The following UGT2A1 variants were observed in gnomAD, a reference collection of about 807,000 sequenced individuals.
The protein encoded by UGT2A1 is UDP-glucuronosyltransferase 2A1.
In UGT2A1, 61 loss-of-function variants were observed where a neutral mutation model predicts 45.4. The ratio of observed to expected loss-of-function variants is 1.34; its 90% CI spans 1.09 to 1.66. The LOEUF is 1.66. Among genes scored for constraint, UGT2A1 ranks in the 40% most tolerant of loss-of-function variants. UGT2A1 has a pLI of 0.00. For missense variants in UGT2A1, 649 were observed against 574.3 expected, an observed-to-expected ratio of 1.13 and a Z score of -1.33; for synonymous variants, 229 against 196.2, an observed-to-expected ratio of 1.17 and a Z score of -1.40.
intron 3 of UGT2A1, among the ~76,000 whole-genome samples, chr4:69,611,757 T>C (rs1221491149): frequency 1.3e-5 from 2 of 152,062 alleles, no homozygotes; most frequent in Non-Finnish European, 2.9e-5. Context: ...AGTAAAAACA[T>C]GAATTCTGAA....
chr4:69,618,765 C>A (rs1483370293), intron 3 of UGT2A1, among the ~76,000 whole-genome samples: 1 of 151,772 alleles, frequency 6.6e-6, no homozygotes, highest in African/African-American at 2.4e-5. Context: ...TACTCCAATA[C>A]CTTTATTGGT....
intron 3 of UGT2A1, among the ~76,000 whole-genome samples, chr4:69,609,079 T>A (rs1553904667): frequency 6.6e-6 from 1 of 151,906 alleles, no homozygotes; most frequent in African/African-American, 2.4e-5. Context: ...TAAAAGATAA[T>A]GAGAAAACCA....
intron 3 of UGT2A1, 92 bp from the exon 4 acceptor site, chr4:69,599,486 T>A: frequency 2.6e-6 from 4 of 1,558,324 alleles, no homozygotes; most frequent in Non-Finnish European, 3.4e-6. Context: ...TGATAAGCTG[T>A]TAAGAAAAAA....
intron 3 of UGT2A1, among the ~76,000 whole-genome samples, chr4:69,609,154 G>GTTT: frequency 1.6e-5 from 1 of 61,976 alleles, no homozygotes; most frequent in Non-Finnish European, 3.2e-5. Context: ...GAATATATAA[G>GTTT]ATTTTTTTTT....
chr4:69,632,477 G>T (rs1265371723), intron 3 of UGT2A1, among the ~76,000 whole-genome samples: 1 of 152,114 alleles, frequency 6.6e-6, no homozygotes, highest in African/African-American at 2.4e-5. Context: ...TAGGCCAAAA[G>T]AGCATAATCT....
At chr4:69,627,245 T>C (rs1721111322) in intron 3 of UGT2A1, among the ~76,000 whole-genome samples, 1 of 151,808 alleles carries the variant, frequency 6.6e-6, no homozygotes, top group Admixed American at 6.6e-5. Context: ...TATGTGAAAT[T>C]TGTTTTGGAA....
chr4:69,631,437 T>A (rs1721381466), intron 3 of UGT2A1, among the ~76,000 whole-genome samples: 2 of 152,136 alleles, frequency 1.3e-5, no homozygotes, highest in Admixed American at 1.3e-4. Context: ...TCATCATAAA[T>A]TTTAAAACTA....
At chr4:69,628,542 C>A (rs1468732189) in intron 3 of UGT2A1, among the ~76,000 whole-genome samples, 1 of 151,330 alleles carries the variant, frequency 6.6e-6, no homozygotes, top group Non-Finnish European at 1.5e-5. Context: ...CACTAAATAT[C>A]CACAAGCAAA....
At chr4:69,610,298 C>A (rs1021361756) in intron 3 of UGT2A1, among the ~76,000 whole-genome samples, 3 of 152,000 alleles carry the variant, frequency 2.0e-5, no homozygotes, top group Non-Finnish European at 4.4e-5. Flanking sequence ...GTATGAAGCA[C>A]CCTAAAATTG....
rs1174753675 is a variant in UGT2A1 at position 69,605,437 on chromosome 4, T to C, written c.848-6043A>G. On this transcript the variant is annotated intron_variant, in intron 3 of 6. Transcript: ENST00000286604. ...ATTCAAAGCAGTGTGTAGAGGGAAA[T>C]TTATAGCACTAAATGCCCACAGAAC... Among the ~76,000 whole-genome samples, 6 of 136,350 alleles carry C rather than the reference T, an allele frequency of 4.4e-5. 1 individual carries two copies. The highest frequency in any genetic ancestry group is 1.2e-4 in the African/African-American group (4 of 33,476). 89.5% of individuals were successfully genotyped at this position (136,350 alleles called of 152,430 possible). A position where few individuals can be genotyped will look rare whatever the true frequency, so the allele number is the denominator to read the frequency against.
intron 3 of UGT2A1, among the ~76,000 whole-genome samples, chr4:69,610,148 A>C (rs4148295): frequency 0.38 from 57,245 of 151,908 alleles, 10,958 homozygotes; most frequent in African/African-American, 0.42. Context: ...CTAAAAGTGG[A>C]AAATACATGC....
intron 4 of UGT2A1, among the ~76,000 whole-genome samples, chr4:69,597,054 T>C (rs1172164324): frequency 6.6e-6 from 1 of 152,206 alleles, no homozygotes; most frequent in Admixed American, 6.5e-5. Context: ...CAACAAAGGA[T>C]ACTGAGCTAG....
chr4:69,613,251 C>A (rs539421501), intron 3 of UGT2A1, among the ~76,000 whole-genome samples: 154 of 151,810 alleles, frequency 1.0e-3, no homozygotes, highest in Non-Finnish European at 2.0e-3. Context: ...TAAACAGATA[C>A]CTAGACATAT....
Position 69,616,850 on chromosome 4 carries a change from T to G in UGT2A1, c.848-17456A>C, listed in dbSNP as rs201075503. Among the ~76,000 whole-genome samples the G allele has an allele frequency of 9.3e-3, 1,198 of 129,508 alleles. 16 individuals are homozygous for G. Among genetic ancestry groups the G allele is most frequent in the African/African-American group, 0.033 (1,131 of 34,726 alleles). The allele number at this position is 129,508 out of a possible 152,430, so 85.0% of individuals were successfully genotyped here. A position where few individuals can be genotyped will look rare whatever the true frequency, so the allele number is the denominator to read the frequency against. Reference sequence around the variant, plus strand: ...TTTCTTTTCTTTTTTTTTTTTTTTTTGAATAGTGGTTTCTAAGTTTCATTT... The same window carrying G: ...TTTCTTTTCTTTTTTTTTTTTTTTTGGAATAGTGGTTTCTAAGTTTCATTT... On this transcript the variant is annotated intron_variant, in intron 3 of 6. Transcript: ENST00000286604.
intron 1 of UGT2A1, among the ~76,000 whole-genome samples, 163 bp downstream of exon 1, chr4:69,653,025 C>G (rs2163659): frequency 0.47 from 72,001 of 152,054 alleles, 17,184 homozygotes; most frequent in East Asian, 0.63. Flanking sequence ...AAAAATCCAT[C>G]AAATTATAAA....
chr4:69,609,756 T>C (rs898886670), intron 3 of UGT2A1, among the ~76,000 whole-genome samples: 1 of 152,202 alleles, frequency 6.6e-6, no homozygotes, highest in Non-Finnish European at 1.5e-5. Flanking sequence ...AATACAATTG[T>C]TCTTCTGGAA....
intron 3 of UGT2A1, among the ~76,000 whole-genome samples, chr4:69,633,971 C>A (rs1721528113): frequency 6.6e-6 from 1 of 152,096 alleles, no homozygotes; most frequent in Non-Finnish European, 1.5e-5. Context: ...CCCGGCCGCG[C>A]GCGGTGGCTC....
chr4:69,627,323 T>A (rs1721116010), intron 3 of UGT2A1, among the ~76,000 whole-genome samples: 2 of 151,654 alleles, frequency 1.3e-5, no homozygotes, highest in Admixed American at 6.6e-5. Context: ...TATAAATGAG[T>A]CTCTTAACAG....
intron 3 of UGT2A1, among the ~76,000 whole-genome samples, chr4:69,634,761 T>G (rs1014625878): frequency 6.6e-6 from 1 of 152,132 alleles, no homozygotes; most frequent in Non-Finnish European, 1.5e-5. Flanking sequence ...AAAAGGGAGA[T>G]TCCTCAATCT....
Sources: gnomAD v4.1 joint callset for allele counts (sites outside exome capture counted in the v4.1 genomes callset) on GRCh38, gnomAD v4.1.1 for gene constraint, MANE v1.5 for transcripts, NCBI Gene and HGNC (gene_info 2026-07-23, HGNC 2026-07-21) for gene names.